DCDC1: variants seen among roughly 807,000 people sequenced by gnomAD.
The protein encoded by DCDC1 is doublecortin domain-containing protein 1.
A neutral mutation model predicts 178.3 loss-of-function variants in DCDC1; 200 were observed. The ratio of observed to expected loss-of-function variants is 1.12; its 90% CI spans 1.00 to 1.26. The LOEUF (loss-of-function observed/expected upper bound fraction) is 1.26, where lower values mean the gene tolerates loss of function less well. Among genes scored for constraint, DCDC1 ranks in the 50% most tolerant of loss-of-function variants. The probability of loss-of-function intolerance (pLI) is 0.00; values close to 1 mark genes in which losing one functional copy is unlikely to be tolerated. For missense variants in DCDC1, 1,983 were observed against 1,749.2 expected (o/e 1.13, Z -2.38); for synonymous variants, 690 against 604.8 (o/e 1.14, Z -2.07).
intron 20 of DCDC1, among the ~76,000 whole-genome samples, chr11:31,044,426 C>G (rs1028535160): frequency 2.0e-5 from 3 of 148,324 alleles, no homozygotes; most frequent in Admixed American, 1.4e-4. Context: ...TGCAGTGAGC[C>G]GAGATCGCGC....
intron 36 of DCDC1, among the ~76,000 whole-genome samples, chr11:30,888,163 GGAAAGA>G (rs1565030654): frequency 1.0e-5 from 1 of 97,982 alleles, no homozygotes; most frequent in African/African-American, 4.3e-5. Flanking sequence ...AGAAAGAAAG[GGAAAGA>G]AAGAAAGAGA....
chr11:31,208,218 T>C (rs1186316074), intron 9 of DCDC1, among the ~76,000 whole-genome samples: 2 of 152,176 alleles, frequency 1.3e-5, no homozygotes, highest in African/African-American at 4.8e-5. Context: ...CCTCTTGGTT[T>C]GACTACCTAA....
At chr11:31,225,321 T>C (rs981203311) in intron 9 of DCDC1, among the ~76,000 whole-genome samples, 3 of 143,064 alleles carry the variant, frequency 2.1e-5, no homozygotes, top group Non-Finnish European at 4.5e-5. Context: ...AGCTAAGCTA[T>C]GAGGAGGCAA....
In DCDC1 at chr11:30,884,276, C is replaced by T. The variant is rs562449828; in HGVS notation, c.5083-2968G>A. On this transcript the variant is annotated intron_variant, in intron 36 of 38. Transcript: ENST00000684477. The stretch of plus-strand genomic sequence containing the variant: ...AAACTCCTGGGTTCAATCAGTCCCC[C>T]CACCTCAGCCTCCCAAAGTGTTGAG... 6.2e-4 allele frequency among the ~76,000 whole-genome samples: 95 copies of T among 152,188 alleles called. 1 individual carries two copies. Among genetic ancestry groups the T allele is most frequent in the Non-Finnish European group, 8.5e-4 (58 of 68,004 alleles).
intron 20 of DCDC1, among the ~76,000 whole-genome samples, chr11:30,982,882 A>G (rs1199630898): frequency 6.6e-6 from 1 of 152,188 alleles, no homozygotes; most frequent in African/African-American, 2.4e-5. Flanking sequence ...AATAGGGTGG[A>G]AAAGCCAGGC....
At chr11:31,344,149 T>G (rs543886833) in intron 1 of DCDC1, among the ~76,000 whole-genome samples, 3 of 152,070 alleles carry the variant, frequency 2.0e-5, no homozygotes, top group African/African-American at 4.8e-5. Context: ...CCCCTGCACA[T>G]TGACAATTAA....
At chr11:30,923,088 A>G (rs1367513676) in intron 23 of DCDC1, among the ~76,000 whole-genome samples, 2 of 152,086 alleles carry the variant, frequency 1.3e-5, no homozygotes, top group African/African-American at 4.8e-5. Flanking sequence ...ACAGATTGGC[A>G]AAATTAGAGA....
chr11:31,329,195 C>T (rs533832793), intron 2 of DCDC1, among the ~76,000 whole-genome samples: 5 of 152,126 alleles, frequency 3.3e-5, no homozygotes, highest in Middle Eastern at 3.4e-3. Flanking sequence ...AAGAAAAATG[C>T]AAACCTTCCC....
intron 7 of DCDC1, 41 bp from the exon 8 acceptor site, chr11:31,265,641 G>A (rs1444045186): frequency 9.7e-7 from 1 of 1,027,772 alleles, no homozygotes; most frequent in Admixed American, 3.0e-5. Flanking sequence ...TAGTAAACTG[G>A]TTAAATTGAA....
chr11:31,112,873 G>A (rs979194073), intron 11 of DCDC1, among the ~76,000 whole-genome samples: 3 of 152,052 alleles, frequency 2.0e-5, no homozygotes, highest in African/African-American at 4.8e-5. Context: ...TGCCTACTAC[G>A]TGCCAAGCAC....
At chr11:31,083,477 A>C (rs1565261021) in intron 17 of DCDC1, among the ~76,000 whole-genome samples, 1 of 152,202 alleles carries the variant, frequency 6.6e-6, no homozygotes, top group Non-Finnish European at 1.5e-5. Context: ...AGTGAGAGCC[A>C]GCATGAGGGC....
intron 20 of DCDC1, among the ~76,000 whole-genome samples, chr11:31,001,212 T>C (rs764366358): frequency 2.0e-5 from 3 of 152,192 alleles, no homozygotes; most frequent in Non-Finnish European, 4.4e-5. Flanking sequence ...TGAACTATAA[T>C]TCATTATTAT....
At chr11:31,131,319 G>T (rs544562351) in intron 10 of DCDC1, among the ~76,000 whole-genome samples, 10 of 152,242 alleles carry the variant, frequency 6.6e-5, no homozygotes, top group African/African-American at 2.2e-4. Context: ...AAAAAGAAAA[G>T]AATGGTGTTT....
chr11:31,180,011 C>G (rs1382170101), intron 9 of DCDC1, among the ~76,000 whole-genome samples: 1 of 152,126 alleles, frequency 6.6e-6, no homozygotes, highest in Non-Finnish European at 1.5e-5. Flanking sequence ...ATGACAACAA[C>G]AGAATGAAGG....
chr11:31,294,107 G>A (rs569800675), intron 6 of DCDC1, among the ~76,000 whole-genome samples: 1 of 152,280 alleles, frequency 6.6e-6, no homozygotes, highest in East Asian at 1.9e-4. Flanking sequence ...CTGTAAGGAG[G>A]ACAGAGCTGC....
At chr11:30,936,880 G>C (rs1213492439) in intron 21 of DCDC1, among the ~76,000 whole-genome samples, 1 of 152,130 alleles carries the variant, frequency 6.6e-6, no homozygotes, top group African/African-American at 2.4e-5. Context: ...TTACTGGTTG[G>C]AAGTCTTTTC....
chr11:31,012,129 T>G (rs75576018), intron 20 of DCDC1, among the ~76,000 whole-genome samples: 4,262 of 152,250 alleles, frequency 0.028, 179 homozygotes, highest in African/African-American at 0.096. Flanking sequence ...TGATTATAAG[T>G]TTCCTGAGGT....
intron 9 of DCDC1, among the ~76,000 whole-genome samples, chr11:31,213,676 C>T (rs570776774): frequency 6.0e-5 from 9 of 151,174 alleles, no homozygotes; most frequent in Non-Finnish European, 8.8e-5. Context: ...GCCGAGATCA[C>T]GCCACTGCAC....
chr11:31,046,192 A>G lies in DCDC1; in HGVS notation c.2591+18277T>C, dbSNP rs576700508. Among the ~76,000 whole-genome samples the G allele has an allele frequency of 1.9e-3, 293 of 152,310 alleles. 4 individuals carry two copies. The highest frequency in any genetic ancestry group is 9.7e-4 in the East Asian group (5 of 5,174). ...ATGTTATTTCATGAATGTTACATAA[A>G]TGGAATCATAAAGTGTGTTTGCTTT... On this transcript the variant is annotated intron_variant, in intron 20 of 38. Transcript: ENST00000684477.
Sources: gnomAD v4.1 joint callset for allele counts (sites outside exome capture counted in the v4.1 genomes callset) on GRCh38, gnomAD v4.1.1 for gene constraint, MANE v1.5 for transcripts, NCBI Gene and HGNC (gene_info 2026-07-23, HGNC 2026-07-21) for gene names.